The following ARHGAP21 variants were observed in gnomAD, a reference collection of about 807,000 sequenced individuals.
ARHGAP21 encodes Rho GTPase activating protein 21.
ARHGAP21 carries 38 observed loss-of-function variants against 164.6 expected under a neutral mutation model. The observed-to-expected ratio is 0.23, with a 90% CI of 0.18 to 0.30. The LOEUF (loss-of-function observed/expected upper bound fraction) is 0.30. ARHGAP21 is among the 10% of genes least tolerant of loss of function. The pLI is 1.00. For synonymous variants in ARHGAP21, 766 were observed against 857.9 expected, an observed-to-expected ratio of 0.89 and a Z score of 1.87; for missense variants, 1,822 against 2,370.7, an observed-to-expected ratio of 0.77 and a Z score of 4.81.
intron 2 of ARHGAP21, among the ~76,000 whole-genome samples, chr10:24,696,251 C>T (rs992562276): frequency 3.3e-5 from 5 of 152,160 alleles, no homozygotes; most frequent in African/African-American, 9.7e-5. Flanking sequence ...CCAGGCAGGG[C>T]GGCTCAAGTT....
rs770860635 is a variant in ARHGAP21, at chr10:24,584,654, T to A, written c.5635A>T (p.Ser1879Cys). ...EIGDPQTENPSTREIATTDTP... is the reference protein window; with the variant it reads ...EIGDPQTENPCTREIATTDTP... ...TCGGTCGTGGCTATTTCTCGTGTGCTTGGGTTCTCTGTCTGGGGATCTCCG... is the reference window on the plus strand; with the variant it reads ...TCGGTCGTGGCTATTTCTCGTGTGCATGGGTTCTCTGTCTGGGGATCTCCG... Residue 1879 changes from serine to cysteine, a missense_variant, in exon 26 of 26, where the codon AGC (serine) becomes TGC (cysteine). Transcript: ENST00000396432. 6.2e-7 allele frequency: 1 copy of A among 1,613,864 alleles called. No homozygotes were observed. Among genetic ancestry groups the A allele is most frequent in the Admixed American group, 1.7e-5 (1 of 60,000 alleles).
At chr10:24,660,948 A>G (rs1839625970) in intron 4 of ARHGAP21, among the ~76,000 whole-genome samples, 1 of 152,126 alleles carries the variant, frequency 6.6e-6, no homozygotes. Context: ...CAGGGCTCCA[A>G]CCACTGTCAT....
rs749819543 is a variant in ARHGAP21, at chr10:24,600,941, T to A, written c.2848-11A>T. 6.2e-7 allele frequency: 1 copy of A among 1,607,290 alleles called. No homozygotes were observed. The stretch of plus-strand genomic sequence containing the variant: ...ACTTCCACCAACTCGCTAGAAAACA[T>A]GCGACAGTTCTTTAATAGTCAATAT... On this transcript the variant is annotated splice_polypyrimidine_tract_variant and intron_variant, in intron 13 of 25. Transcript: ENST00000396432.
rs1207219831 is a variant in ARHGAP21, at chr10:24,621,341, C to T, written c.554G>A (p.Gly185Asp). 3.7e-6 allele frequency: 6 copies of T among 1,605,502 alleles called. No individual in the cohort carries two copies. Among genetic ancestry groups the T allele is most frequent in the Non-Finnish European group, 5.1e-6 (6 of 1,175,312 alleles). Residue 185 changes from glycine to aspartate, a missense_variant, in exon 9 of 26, where the codon GGC (glycine) becomes GAC (aspartate). Physicochemically the swap from Gly to Asp is moderately conservative, Grantham distance 94 (BLOSUM62 -1). This residue lies in a region of ARHGAP21 where 1,090 missense variants were observed against 1,378.9 expected (regional missense o/e 0.79). Coordinates refer to ENST00000396432, the MANE Select transcript of ARHGAP21 (RefSeq NM_020824.4). The stretch of plus-strand genomic sequence containing the variant: ...GGCATTGCCGCTATAAGCTTCGTTG[C>T]CTTTCAGGTAGGCATCTTGAGAATA... ...LAYSQDAYLK[G>D]NEAYSGNARN...
At chr10:24,650,042 A>C (rs1838000165) in intron 4 of ARHGAP21, among the ~76,000 whole-genome samples, 2 of 152,166 alleles carry the variant, frequency 1.3e-5, no homozygotes, top group Non-Finnish European at 2.9e-5. Flanking sequence ...AAAAAAGAAG[A>C]AGAAAAAGAA....
chr10:24,606,078 A>G (rs188423588), intron 11 of ARHGAP21, among the ~76,000 whole-genome samples: 16 of 152,326 alleles, frequency 1.1e-4, no homozygotes, highest in African/African-American at 3.1e-4. Context: ...TCTAATTTGA[A>G]TAAATTAATT....
chr10:24,593,545 A>AAAT (rs1196621963), intron 21 of ARHGAP21, among the ~76,000 whole-genome samples: 2 of 151,862 alleles, frequency 1.3e-5, no homozygotes, highest in African/African-American at 4.8e-5. Flanking sequence ...AAAACTGGTA[A>AAAT]AATAGTCTAC....
At chr10:24,591,415 TTAC>T in intron 23 of ARHGAP21, 85 bp from the exon 24 acceptor site, 1 of 1,277,932 alleles carries the variant, frequency 7.8e-7, no homozygotes. Context: ...AAAAGACACA[TTAC>T]TAAGTAAAGC....
At chr10:24,597,890 G>A (rs2130861497) in intron 15 of ARHGAP21, 55 bp downstream of exon 15, 1 of 1,531,034 alleles carries the variant, frequency 6.5e-7, no homozygotes, top group Non-Finnish European at 9.0e-7. Flanking sequence ...AAATAAGGGG[G>A]ATGACTGTAC....
At chr10:24,696,194 A>C (rs1843158653) in intron 2 of ARHGAP21, among the ~76,000 whole-genome samples, 1 of 152,178 alleles carries the variant, frequency 6.6e-6, no homozygotes, top group African/African-American at 2.4e-5. Context: ...TGGGCGCCCT[A>C]GCTTACTACA....
rs757139557 is a variant in ARHGAP21 at position 24,595,230 on chromosome 10, C to G, written c.3713-40G>C. The G allele has an allele frequency of 6.6e-6, 10 of 1,514,734 alleles. No individual in the cohort carries two copies. In the African/African-American group the frequency reaches 1.1e-4, roughly 17 times the overall value. The allele number at this position is 1,514,734 out of a possible 1,614,324, so 93.8% of individuals were successfully genotyped here. On this transcript the variant is annotated intron_variant, in intron 19 of 25. Coordinates refer to ENST00000396432, the MANE Select transcript of ARHGAP21 (RefSeq NM_020824.4). ...AATAAAACAAATTTATCTTAAATTG[C>G]CTAGGTGAATTGTAATCTAGTTTCC... is the stretch of plus-strand genomic sequence containing the variant.
rs1143050 is a variant in ARHGAP21, at chr10:24,585,462, T to C, written c.4827A>G (p.Gln1609=). Reference sequence around the variant, plus strand: ...CGTCCCCCTTGCTCTCTGCCACGGATTGCACCTCAGGGCTCAGTCGACTGG... The same window carrying C: ...CGTCCCCCTTGCTCTCTGCCACGGACTGCACCTCAGGGCTCAGTCGACTGG... The part of the protein sequence containing the change: ...LDSSRLSPEV[Q]SVAESKGDEA... Residue 1609 remains glutamine, a synonymous_variant, in exon 26 of 26, where the codon CAA becomes CAG. Coordinates refer to ENST00000396432, the MANE Select transcript of ARHGAP21 (RefSeq NM_020824.4). The C allele has an allele frequency of 4.3e-6, 7 of 1,614,086 alleles. No individual in the cohort carries two copies. The highest frequency in any genetic ancestry group is 1.3e-5 in the African/African-American group (1 of 75,018).
chr10:24,635,193 A>C, intron 4 of ARHGAP21, 90 bp from the exon 5 acceptor site: 1 of 776,044 alleles, frequency 1.3e-6, no homozygotes. Flanking sequence ...GAATTAAGCA[A>C]AGCTTTTTAA....
At chr10:24,649,569 T>C (rs906010394) in intron 4 of ARHGAP21, among the ~76,000 whole-genome samples, 19 of 152,124 alleles carry the variant, frequency 1.2e-4, no homozygotes, top group Admixed American at 8.5e-4. Flanking sequence ...TGGACATGGA[T>C]TTTTAGGCTA....
chr10:24,677,322 C>T (rs992224579), intron 2 of ARHGAP21, among the ~76,000 whole-genome samples: 3 of 152,180 alleles, frequency 2.0e-5, no homozygotes, highest in Non-Finnish European at 4.4e-5. Flanking sequence ...TCTCACAACA[C>T]TTTAACATAC....
chr10:24,598,116 A>G (rs1244881471), intron 14 of ARHGAP21, 107 bp from the exon 15 acceptor site: 1 of 808,904 alleles, frequency 1.2e-6, no homozygotes, highest in Non-Finnish European at 2.0e-6. Context: ...CACAAACACT[A>G]CTATCATCTG....
At chr10:24,609,899 T>C (rs1294897458) in intron 9 of ARHGAP21, among the ~76,000 whole-genome samples, 1 of 152,254 alleles carries the variant, frequency 6.6e-6, no homozygotes, top group Non-Finnish European at 1.5e-5. Context: ...TCAAATGACT[T>C]CTAAATTTTT....
At position 24,584,696 on chromosome 10, in the gene ARHGAP21, G is replaced by A. The variant is rs751033641; in HGVS notation, c.5593C>T (p.Leu1865Phe). 3.7e-6 allele frequency: 6 copies of A among 1,613,942 alleles called. No homozygotes were observed. Among genetic ancestry groups the A allele is most frequent in the South Asian group, 3.3e-5 (3 of 91,070 alleles). The change falls in exon 26 of 26, where the codon CTT becomes TTT. Residue 1865 changes from leucine (L) to phenylalanine (F), a missense_variant. Physicochemically the swap from Leu to Phe is conservative, Grantham distance 22. Around this residue, in one of 5 missense-constraint regions of ARHGAP21, gnomAD observed 165 missense variants for 176.6 expected, o/e 0.93. Transcript: ENST00000396432. ...GGATCTCCGATTTCTCCTCTGCTAA[G>A]GTCAGAGGTACTGGTGCGTAGGCGT... ...RERLRTSTSD[L>F]SRGEIGDPQT...
chr10:24,666,943 T>C (rs1432819688), intron 4 of ARHGAP21, 42 bp downstream of exon 4: 1 of 1,380,498 alleles, frequency 7.2e-7, no homozygotes. Flanking sequence ...AAGAAATGGG[T>C]AGAAAAACAT....
Sources: allele counts gnomAD v4.1 joint callset (sites outside exome capture counted in the v4.1 genomes callset), GRCh38; gene constraint gnomAD v4.1.1; regional missense constraint gnomAD v4.1.1; transcripts MANE v1.5; gene names NCBI Gene and HGNC (gene_info 2026-07-23, HGNC 2026-07-21).